The following ZFHX2 variants were observed in gnomAD, a reference collection of about 807,000 sequenced individuals.
ZFHX2 encodes the protein zinc finger homeobox 2.
In ZFHX2, 75 loss-of-function variants were observed where a neutral mutation model predicts 164.8. The ratio of observed to expected loss-of-function variants is 0.46; its 90% CI spans 0.38 to 0.55. The LOEUF is 0.55. Ranked by LOEUF, ZFHX2 falls within the 20% of genes least tolerant of loss-of-function variation. The probability of loss-of-function intolerance (pLI) is 0.00; values close to 1 mark genes in which losing one functional copy is unlikely to be tolerated. For synonymous variants in ZFHX2, 1,217 were observed against 1,351.4 expected (o/e 0.90, Z 2.18); for missense variants, 2,933 against 3,308.0 (o/e 0.89, Z 2.78).
In ZFHX2 at chr14:23,533,272, C is replaced by T. The variant is rs1879790630; in HGVS notation, c.2041+13G>A. ...TGGGGAGGAGAGAAGAGGGAAGAAG[C>T]ACAGAAGCTTACCGGATGTGGGGAA... On this transcript the variant is annotated intron_variant, in intron 2 of 9. Transcript: ENST00000419474. The surrounding 1 kb of genome is among the most constrained non-coding windows in gnomAD (Gnocchi z 4.8). 1 of 1,436,298 alleles carries T rather than the reference C, an allele frequency of 7.0e-7. No individual in the cohort carries two copies. The highest frequency in any genetic ancestry group is 1.5e-5 in the South Asian group (1 of 67,260). The allele number at this position is 1,436,298 out of a possible 1,614,324, so 89.0% of individuals were successfully genotyped here.
At chr14:23,536,668 C>T (rs1239850168) in intron 1 of ZFHX2, among the ~76,000 whole-genome samples, 1 of 152,118 alleles carries the variant, frequency 6.6e-6, no homozygotes, top group East Asian at 1.9e-4. Flanking sequence ...ATGGGGCATC[C>T]AAGAAACAGA....
chr14:23,529,604 G>T, intron 6 of ZFHX2, 106 bp downstream of exon 6: 1 of 1,154,352 alleles, frequency 8.7e-7, no homozygotes, highest in Non-Finnish European at 1.2e-6. Flanking sequence ...TATTCTGAGT[G>T]AAATAAGTCA....
intron 1 of ZFHX2, among the ~76,000 whole-genome samples, chr14:23,539,452 C>A (rs1340763289): frequency 6.6e-6 from 1 of 152,130 alleles, no homozygotes; most frequent in Non-Finnish European, 1.5e-5. Flanking sequence ...AGATAAGAGG[C>A]TCAGATGTAA....
rs1426148885 is a variant in ZFHX2, at chr14:23,534,350, G to T, written c.976C>A (p.Pro326Thr). The T allele has an allele frequency of 2.6e-6, 4 of 1,536,706 alleles. No individual in the cohort carries two copies. Among genetic ancestry groups the T allele is most frequent in the Non-Finnish European group, 3.5e-6 (4 of 1,147,018 alleles). ...ANVAQTEDGPPEAEVQALILL... is the reference protein window; with the variant it reads ...ANVAQTEDGPTEAEVQALILL... ...ATAAGGGCCTGGACTTCTGCCTCAG[G>T]GGGGCCATCCTCTGTCTGGGCCACA... is the stretch of plus-strand genomic sequence containing the variant. Residue 326 changes from proline to threonine, a missense_variant, in exon 2 of 10, where the codon CCT (proline) becomes ACT (threonine). Pro to Thr is a conservative substitution (Grantham distance 38). Coordinates refer to ENST00000419474, the MANE Select transcript of ZFHX2 (RefSeq NM_033400.3). This position sits in a 1 kb window ranked among gnomAD's most constrained non-coding sequence, Gnocchi z 4.5.
Position 23,534,623 on chromosome 14 carries a change from C to T in ZFHX2, c.703G>A (p.Val235Ile), listed in dbSNP as rs1243953634. ...CGGCACAGAAGGCAGAGCCAGAAGA[C>T]CGCCACGTGGTTGCCCCCGCTGTTC... ...MGNSGGNHVA[V>I]FWLCLLCRLG... The change falls in exon 2 of 10, where the codon GTC becomes ATC. Residue 235 changes from valine (V) to isoleucine (I), a missense_variant. Coordinates refer to ENST00000419474, the MANE Select transcript of ZFHX2 (RefSeq NM_033400.3). This position sits in a 1 kb window ranked among gnomAD's most constrained non-coding sequence, Gnocchi z 4.5. The T allele has an allele frequency of 2.0e-6, 3 of 1,536,050 alleles. No individual in the cohort carries two copies. The highest frequency in any genetic ancestry group is 1.4e-5 in the African/African-American group (1 of 73,044).
intron 1 of ZFHX2, among the ~76,000 whole-genome samples, chr14:23,548,024 C>G (rs1566595871): frequency 6.6e-6 from 1 of 152,164 alleles, no homozygotes; most frequent in Non-Finnish European, 1.5e-5. Context: ...CTTCCCTTTT[C>G]TCAATCCCTG....
rs77918374 is a variant in ZFHX2, at chr14:23,533,393, T to C, written c.1933A>G (p.Thr645Ala). 3.4e-4 allele frequency: 506 copies of C among 1,478,286 alleles called. 3 individuals are homozygous for C. In the East Asian group the frequency reaches 0.011, roughly 31 times the overall value. The allele number at this position is 1,478,286 out of a possible 1,614,324, so 91.6% of individuals were successfully genotyped here. Residue 645 changes from threonine to alanine, a missense_variant, in exon 2 of 10, where the codon ACT becomes GCT. Coordinates refer to ENST00000419474, the MANE Select transcript of ZFHX2 (RefSeq NM_033400.3). This position sits in a 1 kb window ranked among gnomAD's most constrained non-coding sequence, Gnocchi z 4.8. ...FGPQALGQPQ[T>A]PLAGPGLRPD... ...CTCAGCCCCGGGCCAGCCAAGGGAGTCTGAGGCTGCCCTAGGGCCTGGGGC... is the reference window on the plus strand; with the variant it reads ...CTCAGCCCCGGGCCAGCCAAGGGAGCCTGAGGCTGCCCTAGGGCCTGGGGC...
chr14:23,528,954 C>T (rs1272742468), intron 6 of ZFHX2: 2 of 521,118 alleles, frequency 3.8e-6, no homozygotes, highest in African/African-American at 4.1e-5. Context: ...GCACCTAGCC[C>T]CTGGAGCAGA....
chr14:23,535,273 T>A lies in ZFHX2; in HGVS notation c.53A>T (p.His18Leu), dbSNP rs543391687. Residue 18 changes from histidine (H) to leucine (L), a missense_variant, in exon 2 of 10, where the codon CAC becomes CTC. Transcript: ENST00000419474. The surrounding 1 kb of genome is among the most constrained non-coding windows in gnomAD (Gnocchi z 4.5). ...GTCCGAAGGCAGGGACGGGGCATTG[T>A]GCCCAGGGGAGGGGGTGGTACCAGT... Reference protein sequence around the residue: ...STTGTTPSPGHNAPSLPSDTF... With the variant: ...STTGTTPSPGLNAPSLPSDTF... 6.7e-7 allele frequency: 1 copy of A among 1,492,072 alleles called. No homozygotes were observed. The highest frequency in any genetic ancestry group is 1.4e-5 in the African/African-American group (1 of 72,296). 92.4% of individuals were successfully genotyped at this position (1,492,072 alleles called of 1,614,324 possible).
At chr14:23,530,553 G>A (rs1476914793) in intron 4 of ZFHX2, 1 of 462,914 alleles carries the variant, frequency 2.2e-6, no homozygotes, top group Non-Finnish European at 4.1e-6. Context: ...CACTGAAGAA[G>A]GAAGCCTTGG....
Position 23,533,884 on chromosome 14 carries a change from C to G in ZFHX2, c.1442G>C (p.Ser481Thr). 1 of 1,538,064 alleles carries G rather than the reference C, an allele frequency of 6.5e-7. No homozygotes were observed. Among genetic ancestry groups the G allele is most frequent in the East Asian group, 2.4e-5 (1 of 40,930 alleles). ...CCCAGCACTGCAGTAGCTGCAGTGA[C>G]TGTTGCTCTCAGGGTGCTTCTCTCG... The part of the protein sequence containing the change: ...HMREKHPESN[S>T]HCSYCSAGGA... The change falls in exon 2 of 10, where the codon AGT (serine) becomes ACT (threonine). Residue 481 changes from serine to threonine, a missense_variant. Ser to Thr is a moderately conservative substitution (Grantham distance 58, BLOSUM62 1). Transcript: ENST00000419474. The surrounding 1 kb of genome is among the most constrained non-coding windows in gnomAD (Gnocchi z 4.8).
In ZFHX2 at chr14:23,525,033, G is replaced by A. The variant is rs971977483; in HGVS notation, c.4909C>T (p.Arg1637Cys). 60 of 1,536,044 alleles carry A rather than the reference G, an allele frequency of 3.9e-5. No individual in the cohort carries two copies. Among genetic ancestry groups the A allele is most frequent in the South Asian group, 5.9e-5 (5 of 84,070 alleles). ...RLASLLGLAS[R>C]VVVVWFQNAR... is the part of the protein sequence containing the mutation. ...TTCTGGAACCACACCACCACCACAC[G>A]GCTAGCCAGACCCAACAGACTTGCG... Residue 1637 changes from arginine to cysteine, a missense_variant, in exon 9 of 10, where the codon CGT (arginine) becomes TGT (cysteine). By Grantham distance (180) the Arg-to-Cys change is radical. Transcript: ENST00000419474. This position sits in a 1 kb window ranked among gnomAD's most constrained non-coding sequence, Gnocchi z 5.9.
At chr14:23,537,582 G>A (rs1880322919) in intron 1 of ZFHX2, among the ~76,000 whole-genome samples, 1 of 152,166 alleles carries the variant, frequency 6.6e-6, no homozygotes, top group Non-Finnish European at 1.5e-5. Context: ...ATGCTGAGTG[G>A]AGTGGGATTA....
chr14:23,552,493 A>C (rs984295719), upstream of ZFHX2, among the ~76,000 whole-genome samples: 1 of 151,926 alleles, frequency 6.6e-6, no homozygotes, highest in South Asian at 2.1e-4. Context: ...GGGTTTCACC[A>C]CGTTGGTCAA....
Position 23,532,662 on chromosome 14 carries a change from G to A in ZFHX2, c.2464C>T (p.Arg822Cys), listed in dbSNP as rs780826119. 7.9e-5 allele frequency: 119 copies of A among 1,499,366 alleles called. No individual in the cohort carries two copies. Among genetic ancestry groups the A allele is most frequent in the Middle Eastern group, 5.1e-4 (3 of 5,830 alleles). The allele number at this position is 1,499,366 out of a possible 1,614,324, so 92.9% of individuals were successfully genotyped here. The change falls in exon 3 of 10, where the codon CGC becomes TGC. Residue 822 changes from arginine to cysteine, a missense_variant. Transcript: ENST00000419474. ...PYGSVSPLHL[R>C]CNICDFESNS... is the part of the protein sequence containing the mutation. ...GACTCAAAGTCACAGATGTTGCAGC[G>A]CAGGTGTAGTGGGGAGACAGACCCA...
chr14:23,523,544 G>T lies in ZFHX2; in HGVS notation c.6398C>A (p.Thr2133Asn), dbSNP rs74039343. Reference protein sequence around the residue: ...AKLQGTAAGSTGGSSEGLLAA... With the variant: ...AKLQGTAAGSNGGSSEGLLAA... ...TAAGAGGCCCTCACTGCTGCCCCCA[G>T]TGCTCCCAGCGGCTGTCCCCTGTAG... is the stretch of plus-strand genomic sequence containing the variant. Residue 2133 changes from threonine to asparagine, a missense_variant, in exon 9 of 10, where the codon ACT becomes AAT. Physicochemically the swap from Thr to Asn is moderately conservative, Grantham distance 65 (BLOSUM62 0). Transcript: ENST00000419474. This position sits in a 1 kb window ranked among gnomAD's most constrained non-coding sequence, Gnocchi z 4.1. The T allele has an allele frequency of 3.6e-3, 5,526 of 1,536,910 alleles. 89 individuals are homozygous for T. In the African/African-American group the frequency reaches 0.044, roughly 12 times the overall value.
At chr14:23,555,160 G>T (rs1036240137), upstream of ZFHX2, among the ~76,000 whole-genome samples, 2 of 152,012 alleles carry the variant, frequency 1.3e-5, no homozygotes, top group African/African-American at 4.8e-5. Flanking sequence ...GCTCATTTTT[G>T]CATTTTTAGT....
chr14:23,522,909 C>T lies in ZFHX2; in HGVS notation c.6772G>A (p.Ala2258Thr), dbSNP rs910277450. The change falls in exon 10 of 10, where the codon GCC becomes ACC. Residue 2258 changes from alanine to threonine, a missense_variant. Ala to Thr is a moderately conservative substitution (Grantham distance 58). Transcript: ENST00000419474. ...PAASSGLLGL[A>T]TSVLPTTTVV... ...GTGGTGGTAGGCAGGACCGAAGTGG[C>T]GAGGCCGAGGAGGCCTGAGGAGGCT... 12 of 1,462,882 alleles carry T rather than the reference C, an allele frequency of 8.2e-6. No homozygotes were observed. Among genetic ancestry groups the T allele is most frequent in the East Asian group, 5.0e-5 (2 of 40,192 alleles). 90.6% of individuals were successfully genotyped at this position (1,462,882 alleles called of 1,614,324 possible).
Position 23,534,694 on chromosome 14 carries a change from T to G in ZFHX2, c.632A>C (p.Gln211Pro). 6.5e-7 allele frequency: 1 copy of G among 1,536,196 alleles called. No individual in the cohort carries two copies. Among genetic ancestry groups the G allele is most frequent in the East Asian group, 2.4e-5 (1 of 40,918 alleles). The change falls in exon 2 of 10, where the codon CAG becomes CCG. Residue 211 changes from glutamine to proline, a missense_variant. Gln to Pro is a moderately conservative substitution (Grantham distance 76). Transcript: ENST00000419474. The surrounding 1 kb of genome is among the most constrained non-coding windows in gnomAD (Gnocchi z 4.5). The stretch of plus-strand genomic sequence containing the variant: ...ATCTCCGGGTGGATTTGGAGCCAGC[T>G]GGTAGCTCCAGAAAGCTCCATGCCT... ...EERHGAFWSY[Q>P]LAPNPPGDPK...
Sources: allele counts gnomAD v4.1 joint callset (sites outside exome capture counted in the v4.1 genomes callset), GRCh38; gene constraint gnomAD v4.1.1; non-coding constraint Gnocchi (gnomAD v3.1); transcripts MANE v1.5; gene names NCBI Gene and HGNC (gene_info 2026-07-23, HGNC 2026-07-21).